Variants in TRABD2A observed in about 807,000 individuals in gnomAD.
The protein encoded by TRABD2A is metalloprotease TIKI1.
Under a neutral mutation model 45.6 loss-of-function variants are expected in TRABD2A, and 43 were observed. The ratio of observed to expected loss-of-function variants is 0.94; its 90% CI spans 0.74 to 1.22. TRABD2A has a LOEUF of 1.22. Ranked by LOEUF, TRABD2A falls within the 50% of genes most tolerant of loss-of-function variation. TRABD2A has a pLI of 0.00. For missense variants in TRABD2A, 642 were observed against 652.4 expected, an observed-to-expected ratio of 0.98 and a Z score of 0.17; for synonymous variants, 269 against 265.0, an observed-to-expected ratio of 1.02 and a Z score of -0.15.
chr2:84,862,087 G>A (rs574451849), intron 2 of TRABD2A, among the ~76,000 whole-genome samples: 12 of 152,312 alleles, frequency 7.9e-5, no homozygotes, highest in African/African-American at 1.4e-4. Context: ...TCAGGGTCCA[G>A]GGCAGCCCCC....
intron 6 of TRABD2A, among the ~76,000 whole-genome samples, chr2:84,822,827 C>T (rs1681036434): frequency 6.6e-6 from 1 of 152,222 alleles, no homozygotes; most frequent in Non-Finnish European, 1.5e-5. Context: ...ATATCTGCTT[C>T]AAACCTTTCA....
intron 4 of TRABD2A, 117 bp from the exon 5 acceptor site, chr2:84,832,262 A>G (rs1573920084): frequency 2.0e-6 from 2 of 1,007,026 alleles, no homozygotes; most frequent in East Asian, 2.5e-5. Flanking sequence ...CTATCTGTCC[A>G]GCACAGTACA....
chr2:84,860,364 A>G (rs759430219), intron 2 of TRABD2A, among the ~76,000 whole-genome samples: 4 of 152,208 alleles, frequency 2.6e-5, no homozygotes, highest in Non-Finnish European at 4.4e-5. Context: ...TGTCCATATA[A>G]GAAGAGGAGA....
Position 84,824,120 on chromosome 2 carries a change from T to TG in TRABD2A, c.1166dup (p.Glu390ArgfsTer25). On this transcript the variant is annotated frameshift_variant, in exon 6 of 7. Transcript: ENST00000409520. LOFTEE classifies it high-confidence loss of function. ...TTGAGTGCCCTGAGGATACGGCTTC[T>TG]GGTGCCGGTACTTCCAGGGTAGGGA... 6.2e-7 allele frequency: 1 copy of TG among 1,614,014 alleles called. No individual in the cohort carries two copies.
Position 84,824,167 on chromosome 2 carries a change from A to C in TRABD2A, c.1120T>G (p.Ser374Ala). 6.2e-7 allele frequency: 1 copy of C among 1,613,980 alleles called. No homozygotes were observed. Among genetic ancestry groups the C allele is most frequent in the Admixed American group, 1.7e-5 (1 of 60,026 alleles). Residue 374 changes from serine to alanine, a missense_variant, in exon 6 of 7, where the codon TCC (serine) becomes GCC (alanine). Transcript: ENST00000409520. Reference protein sequence around the residue: ...SKKTSTRPTLSTIFAPKVPTL... With the variant: ...SKKTSTRPTLATIFAPKVPTL... ...GGGACTTTTGGAGCAAAGATGGTGG[A>C]CAGAGTGGGCCGTGTGGAGGTCTTT...
intron 2 of TRABD2A, among the ~76,000 whole-genome samples, chr2:84,868,606 G>A (rs1022556110): frequency 4.0e-5 from 6 of 151,696 alleles, no homozygotes; most frequent in African/African-American, 7.3e-5. Flanking sequence ...CCAATATGGC[G>A]CATGTATATA....
intron 5 of TRABD2A, among the ~76,000 whole-genome samples, chr2:84,829,232 CTT>C (rs1433513353): frequency 1.3e-5 from 2 of 152,040 alleles, no homozygotes; most frequent in Non-Finnish European, 2.9e-5. Context: ...AGTGAGAACA[CTT>C]GTTCTCAGCC....
intron 1 of TRABD2A, among the ~76,000 whole-genome samples, chr2:84,872,299 A>G (rs1486710572): frequency 1.3e-5 from 2 of 152,202 alleles, no homozygotes; most frequent in Non-Finnish European, 2.9e-5. Context: ...ACTTGAGCTC[A>G]GGAGTTTGAG....
chr2:84,825,488 A>G (rs1376118989), intron 5 of TRABD2A, among the ~76,000 whole-genome samples: 2 of 152,236 alleles, frequency 1.3e-5, no homozygotes, highest in African/African-American at 4.8e-5. Context: ...AGAAACATAA[A>G]TTCATAGCTA....
chr2:84,846,195 T>C (rs150212049), intron 2 of TRABD2A, among the ~76,000 whole-genome samples: 7 of 152,302 alleles, frequency 4.6e-5, no homozygotes, highest in African/African-American at 1.7e-4. Context: ...GGGCTGTGCA[T>C]CAGAGTTAGT....
At chr2:84,863,457 T>C (rs992322559) in intron 2 of TRABD2A, among the ~76,000 whole-genome samples, 9 of 150,594 alleles carry the variant, frequency 6.0e-5, no homozygotes, top group Non-Finnish European at 8.9e-5. Context: ...TGGTCTCGAT[T>C]TCCTGACCTC....
intron 1 of TRABD2A, among the ~76,000 whole-genome samples, chr2:84,871,150 G>T (rs934759201): frequency 9.2e-5 from 14 of 152,138 alleles, no homozygotes; most frequent in African/African-American, 3.4e-4. Flanking sequence ...TCAAAATGTT[G>T]ATTCCAAGAT....
chr2:84,832,164 C>T lies in TRABD2A; in HGVS notation c.992-19G>A. The T allele has an allele frequency of 6.2e-7, 1 of 1,613,366 alleles. No homozygotes were observed. Among genetic ancestry groups the T allele is most frequent in the Non-Finnish European group, 8.5e-7 (1 of 1,179,370 alleles). On this transcript the variant is annotated intron_variant, in intron 4 of 6. Coordinates refer to ENST00000409520, the MANE Select transcript of TRABD2A (RefSeq NM_001277053.2). Reference sequence around the variant, plus strand: ...AAATGACCTGCAGTGAGAAAAACAACCTGAAATGCTGCAGCTCTCAGGACC... The same window carrying T: ...AAATGACCTGCAGTGAGAAAAACAATCTGAAATGCTGCAGCTCTCAGGACC...
chr2:84,852,238 G>A (rs977532823), intron 2 of TRABD2A, among the ~76,000 whole-genome samples: 20 of 152,190 alleles, frequency 1.3e-4, no homozygotes, highest in African/African-American at 4.8e-4. Flanking sequence ...GGCAGCACAG[G>A]TAGACACAGG....
chr2:84,873,565 G>C (rs1267412006), intron 1 of TRABD2A, among the ~76,000 whole-genome samples: 6 of 152,194 alleles, frequency 3.9e-5, no homozygotes, highest in Non-Finnish European at 8.8e-5. Context: ...AAACGAAATG[G>C]AAACTGTACA....
rs116453685 is a variant in TRABD2A, at chr2:84,849,007, G to A, written c.670-7000C>T. On this transcript the variant is annotated intron_variant, in intron 2 of 6. Transcript: ENST00000409520. ...TAGCCATAGGATAACATCAATGACT[G>A]AGGCAAATCACAGAAATGGAGAAGG... Among the ~76,000 whole-genome samples, 802 of 152,224 alleles carry A rather than the reference G, an allele frequency of 5.3e-3. 1 individual carries two copies. Among genetic ancestry groups the A allele is most frequent in the African/African-American group, 0.018 (766 of 41,534 alleles).
chr2:84,875,285 T>A (rs1365497868), intron 1 of TRABD2A, among the ~76,000 whole-genome samples: 3 of 152,124 alleles, frequency 2.0e-5, no homozygotes, highest in African/African-American at 7.2e-5. Context: ...GGGCCCACTA[T>A]GGGGATATCT....
chr2:84,864,058 G>A (rs2105402838), intron 2 of TRABD2A, among the ~76,000 whole-genome samples: 1 of 151,806 alleles, frequency 6.6e-6, no homozygotes, highest in South Asian at 2.1e-4. Context: ...TTTATGATGG[G>A]GAAGCCAGAA....
At chr2:84,842,038 A>G in intron 2 of TRABD2A, 31 bp from the exon 3 acceptor site, 1 of 1,454,416 alleles carries the variant, frequency 6.9e-7, no homozygotes, top group Non-Finnish European at 9.1e-7. Flanking sequence ...AAGTTCACTA[A>G]CAAGGCAACT....
Sources: gnomAD v4.1 joint callset for allele counts (sites outside exome capture counted in the v4.1 genomes callset) on GRCh38, gnomAD v4.1.1 for gene constraint, MANE v1.5 for transcripts, NCBI Gene and HGNC (gene_info 2026-07-23, HGNC 2026-07-21) for gene names.